DLX2: variants seen among roughly 807,000 people sequenced by gnomAD.
DLX2 encodes distal-less homeobox 2.
In DLX2, 8 loss-of-function variants were observed where a neutral mutation model predicts 27.4. That is an observed-to-expected ratio of 0.29 (90% CI 0.17 to 0.53). The LOEUF is 0.53. Among genes scored for constraint, DLX2 ranks in the 20% least tolerant of loss-of-function variants. The probability of loss-of-function intolerance (pLI) is 0.96; values close to 1 mark genes in which losing one functional copy is unlikely to be tolerated. For missense variants in DLX2, 421 were observed against 450.9 expected (o/e 0.93, Z 0.60); for synonymous variants, 210 against 200.8 (o/e 1.05, Z -0.39).
chr2:172,101,636 G>A lies in DLX2; in HGVS notation c.411C>T (p.Asp137=). 6.2e-7 allele frequency: 1 copy of A among 1,614,124 alleles called. No homozygotes were observed. Among genetic ancestry groups the A allele is most frequent in the South Asian group, 1.1e-5 (1 of 91,088 alleles). The change falls in exon 2 of 3, where the codon GAC becomes GAT. Residue 137 remains aspartate, a synonymous_variant. Coordinates refer to ENST00000234198, the MANE Select transcript of DLX2 (RefSeq NM_004405.4). ...SPANNEPEKE[D]LEPEIRIVNG... ...TCACTATCCGAATTTCAGGCTCAAG[G>A]TCCTCCTTCTCTGCAACGATAAAGA... is the stretch of plus-strand genomic sequence containing the variant.
Position 172,100,334 on chromosome 2 carries a change from C to T in DLX2, c.*209G>A, listed in dbSNP as rs890472459. The stretch of plus-strand genomic sequence containing the variant: ...TCAGAAATGCGGCCTTTTAGGGAGG[C>T]CTTTGCCAAGCTGCTGTCCGGTTCC... On this transcript the variant is annotated 3_prime_UTR_variant, in exon 3 of 3. Coordinates refer to ENST00000234198, the MANE Select transcript of DLX2 (RefSeq NM_004405.4). This position sits in a 1 kb window ranked among gnomAD's most constrained non-coding sequence, Gnocchi z 4.5. 2 of 491,160 alleles carry T rather than the reference C, an allele frequency of 4.1e-6. No homozygotes were observed. The highest frequency in any genetic ancestry group is 6.9e-6 in the Non-Finnish European group (2 of 290,106). 30.4% of individuals were successfully genotyped at this position (491,160 alleles called of 1,614,324 possible).
rs780166978 is a variant in DLX2 at position 172,100,895 on chromosome 2, T to A, written c.635A>T (p.Lys212Ile). Residue 212 changes from lysine (K) to isoleucine (I), a missense_variant, in exon 3 of 3, where the codon AAA (lysine) becomes ATA (isoleucine). Around this residue, in one of 5 missense-constraint regions of DLX2, gnomAD observed 185 missense variants for 171.1 expected, o/e 1.08. Coordinates refer to ENST00000234198, the MANE Select transcript of DLX2 (RefSeq NM_004405.4). The surrounding 1 kb of genome is among the most constrained non-coding windows in gnomAD (Gnocchi z 4.5). ...CTGCTCCGAGGGGATCTCACCACTTTTCCACATCTTCTTGAACTTGGACCG... is the reference window on the plus strand; with the variant it reads ...CTGCTCCGAGGGGATCTCACCACTTATCCACATCTTCTTGAACTTGGACCG... Reference protein sequence around the residue: ...NRRSKFKKMWKSGEIPSEQHP... With the variant: ...NRRSKFKKMWISGEIPSEQHP... The A allele has an allele frequency of 6.2e-7, 1 of 1,612,892 alleles. No homozygotes were observed. Among genetic ancestry groups the A allele is most frequent in the Non-Finnish European group, 8.5e-7 (1 of 1,179,848 alleles).
In DLX2 at chr2:172,102,300, C is replaced by CCGG; in HGVS notation, c.238_239insCCG (p.Gly79_Gly80insAla). The stretch of plus-strand genomic sequence containing the variant: ...ACCCATGTGCGCGTAGGGCGAGCCC[C>CCGG]CGCCGCCGCCGCCGCCCGCCGGGTG... On this transcript the variant is annotated inframe_insertion, in exon 1 of 3. Coordinates refer to ENST00000234198, the MANE Select transcript of DLX2 (RefSeq NM_004405.4). 1.2e-6 allele frequency: 2 copies of CCGG among 1,600,080 alleles called. No homozygotes were observed. The highest frequency in any genetic ancestry group is 1.7e-6 in the Non-Finnish European group (2 of 1,174,032).
Position 172,100,986 on chromosome 2 carries a change from C to G in DLX2, c.586-42G>C. On this transcript the variant is annotated intron_variant, in intron 2 of 2. Coordinates refer to ENST00000234198, the MANE Select transcript of DLX2 (RefSeq NM_004405.4). The surrounding 1 kb of genome is among the most constrained non-coding windows in gnomAD (Gnocchi z 4.5). The stretch of plus-strand genomic sequence containing the variant: ...CTGAGCATTAGTGGAGGAACCTAGT[C>G]TTGGGGCAGTAGGGGTTCGAAGAGG... The G allele has an allele frequency of 6.3e-7, 1 of 1,589,140 alleles. No homozygotes were observed. Among genetic ancestry groups the G allele is most frequent in the Non-Finnish European group, 8.6e-7 (1 of 1,168,570 alleles).
rs760240559 is a variant in DLX2 at position 172,101,619 on chromosome 2, C to T, written c.428G>A (p.Arg143Gln). ...PEKEDLEPEI[R>Q]IVNGKPKKVR... ...TTTCTTTGGCTTCCCGTTCACTATC[C>T]GAATTTCAGGCTCAAGGTCCTCCTT... The change falls in exon 2 of 3, where the codon CGG becomes CAG. Residue 143 changes from arginine (R) to glutamine (Q), a missense_variant. This residue lies in a region of DLX2 where 141 missense variants were observed against 123.5 expected (regional missense o/e 1.14). Coordinates refer to ENST00000234198, the MANE Select transcript of DLX2 (RefSeq NM_004405.4). 4 of 1,614,098 alleles carry T rather than the reference C, an allele frequency of 2.5e-6. No homozygotes were observed. In the African/African-American group the frequency reaches 5.3e-5, roughly 22 times the overall value.
Position 172,102,429 on chromosome 2 carries a change from G to A in DLX2, c.110C>T (p.Pro37Leu), listed in dbSNP as rs1440177276. The change falls in exon 1 of 3, where the codon CCG becomes CTG. Residue 37 changes from proline (P) to leucine (L), a missense_variant. Physicochemically the swap from Pro to Leu is moderately conservative, Grantham distance 98. Coordinates refer to ENST00000234198, the MANE Select transcript of DLX2 (RefSeq NM_004405.4). ...GCTGCTGCTGCTGCTGTTGCCACCC[G>A]GGCCGGCGCCGCCGCCGCTCGGGGG... ...QQPPSGGGAG[P>L]GGNSSSSSSL... The A allele has an allele frequency of 1.3e-6, 2 of 1,549,090 alleles. No homozygotes were observed. The highest frequency in any genetic ancestry group is 2.4e-5 in the East Asian group (1 of 40,854).
Position 172,102,768 on chromosome 2 carries a change from T to G in DLX2, c.-230A>C. Reference sequence around the variant, plus strand: ...ATCCTCTTTCGGCCTCTGGGCCCGCTCGGCTCCTTGCCCAGCGCGAGCGCG... The same window carrying G: ...ATCCTCTTTCGGCCTCTGGGCCCGCGCGGCTCCTTGCCCAGCGCGAGCGCG... On this transcript the variant is annotated 5_prime_UTR_variant, in exon 1 of 3. Coordinates refer to ENST00000234198, the MANE Select transcript of DLX2 (RefSeq NM_004405.4). 1 of 281,794 alleles carries G rather than the reference T, an allele frequency of 3.5e-6. No individual in the cohort carries two copies. Among genetic ancestry groups the G allele is most frequent in the Non-Finnish European group, 6.5e-6 (1 of 153,816 alleles). 17.5% of individuals were successfully genotyped at this position (281,794 alleles called of 1,614,324 possible).
In DLX2 at chr2:172,102,242, G is replaced by T. The variant is rs1486955594; in HGVS notation, c.297C>A (p.Asn99Lys). 6.2e-7 allele frequency: 1 copy of T among 1,614,222 alleles called. No homozygotes were observed. Among genetic ancestry groups the T allele is most frequent in the African/African-American group, 1.3e-5 (1 of 75,064 alleles). Residue 99 changes from asparagine to lysine, a missense_variant, in exon 1 of 3, where the codon AAC (asparagine) becomes AAA (lysine). Coordinates refer to ENST00000234198, the MANE Select transcript of DLX2 (RefSeq NM_004405.4). ...AGCTGCTCTTGGCGGAGTAAGGGAC[G>T]TTGTTGAGGCCGCTGGCTTGGTACT... ...SYQYQASGLN[N>K]VPYSAKSSYD... is the part of the protein sequence containing the mutation.
chr2:172,102,195 G>A lies in DLX2; in HGVS notation c.344C>T (p.Ala115Val), dbSNP rs1230095524. The A allele has an allele frequency of 1.1e-5, 18 of 1,612,472 alleles. No homozygotes were observed. Among genetic ancestry groups the A allele is most frequent in the Non-Finnish European group, 1.4e-5 (16 of 1,179,398 alleles). Residue 115 changes from alanine (A) to valine (V), a missense_variant, in exon 1 of 3, where the codon GCC (alanine) becomes GTC (valine). Physicochemically the swap from Ala to Val is moderately conservative, Grantham distance 64. This residue lies in a region of DLX2 where 141 missense variants were observed against 123.5 expected (regional missense o/e 1.14). Transcript: ENST00000234198. ...TCCATAGGGAGCGTAGGAGGTGTAG[G>A]CGGCGGTGTAGCCCAGGTCATAGCT... ...KSSYDLGYTAAYTSYAPYGTS... is the reference protein window; with the variant it reads ...KSSYDLGYTAVYTSYAPYGTS...
chr2:172,102,075 C>A, intron 1 of DLX2, 64 bp downstream of exon 1: 1 of 1,555,014 alleles, frequency 6.4e-7, no homozygotes, highest in Non-Finnish European at 8.7e-7. Context: ...GCCCCAAACA[C>A]GTTTACCCAT....
intron 1 of DLX2, 126 bp from the exon 2 acceptor site, chr2:172,101,772 C>G: frequency 9.2e-7 from 1 of 1,088,598 alleles, no homozygotes; most frequent in Non-Finnish European, 1.3e-6. Context: ...TGTGGCGCCA[C>G]GGGCAGGCGC....
At position 172,101,144 on chromosome 2, in the gene DLX2, G is replaced by A. The variant is rs1007548638; in HGVS notation, c.586-200C>T. 4 of 643,170 alleles carry A rather than the reference G, an allele frequency of 6.2e-6. No individual in the cohort carries two copies. In the Admixed American group the frequency reaches 9.2e-5, roughly 15 times the overall value. The allele number at this position is 643,170 out of a possible 1,614,324, so 39.8% of individuals were successfully genotyped here. A position where few individuals can be genotyped will look rare whatever the true frequency, so the allele number is the denominator to read the frequency against. On this transcript the variant is annotated intron_variant, in intron 2 of 2. Transcript: ENST00000234198. ...TCCCTGGGGAGGTAATTGCCAAAAG[G>A]CCAGGACTGCTGGTGTACGTGCACT...
At position 172,102,530 on chromosome 2, in the gene DLX2, T is replaced by G; in HGVS notation, c.9A>C (p.Gly3=). The G allele has an allele frequency of 2.6e-6, 4 of 1,535,190 alleles. No individual in the cohort carries two copies. The highest frequency in any genetic ancestry group is 3.5e-6 in the Non-Finnish European group (4 of 1,141,418). Residue 3 remains glycine (G), a synonymous_variant, in exon 1 of 3, where the codon GGA becomes GGC. Transcript: ENST00000234198. ...TATCAGCCACTAGACTGTCAAAGAC[T>G]CCAGTCATCCTGGCCCGAGACGGGA... MT[G]VFDSLVADMH... is the part of the protein sequence containing the mutation.
chr2:172,101,490 G>T lies in DLX2; in HGVS notation c.557C>A (p.Ala186Glu). The T allele has an allele frequency of 6.2e-7, 1 of 1,609,830 alleles. No homozygotes were observed. The highest frequency in any genetic ancestry group is 8.5e-7 in the Non-Finnish European group (1 of 1,177,768). ...YLALPERAEL[A>E]ASLGLTQTQV... is the part of the protein sequence containing the mutation. The stretch of plus-strand genomic sequence containing the variant: ...AGTCTGGGTGAGGCCCAGAGAGGCC[G>T]CCAGCTCGGCTCGCTCCGGCAAGGC... The change falls in exon 2 of 3, where the codon GCG becomes GAG. Residue 186 changes from alanine (A) to glutamate (E), a missense_variant. Coordinates refer to ENST00000234198, the MANE Select transcript of DLX2 (RefSeq NM_004405.4).
In DLX2 at chr2:172,100,877, G is replaced by C; in HGVS notation, c.653C>G (p.Ser218Trp). The change falls in exon 3 of 3, where the codon TCG becomes TGG. Residue 218 changes from serine to tryptophan, a missense_variant. Ser to Trp is a radical substitution (Grantham distance 177). Coordinates refer to ENST00000234198, the MANE Select transcript of DLX2 (RefSeq NM_004405.4). This position sits in a 1 kb window ranked among gnomAD's most constrained non-coding sequence, Gnocchi z 4.5. ...AGCGCTGGCCCCAGGGTGCTGCTCC[G>C]AGGGGATCTCACCACTTTTCCACAT... ...KKMWKSGEIP[S>W]EQHPGASASP... 6.2e-7 allele frequency: 1 copy of C among 1,613,036 alleles called. No individual in the cohort carries two copies. Among genetic ancestry groups the C allele is most frequent in the Non-Finnish European group, 8.5e-7 (1 of 1,179,924 alleles).
Position 172,102,521 on chromosome 2 carries a change from G to T in DLX2, c.18C>A (p.Asp6Glu), listed in dbSNP as rs1355995522. The T allele has an allele frequency of 8.4e-6, 13 of 1,542,340 alleles. No individual in the cohort carries two copies. Among genetic ancestry groups the T allele is most frequent in the African/African-American group, 1.4e-5 (1 of 72,612 alleles). ...TCGAGTGCATATCAGCCACTAGACTGTCAAAGACTCCAGTCATCCTGGCCC... is the reference window on the plus strand; with the variant it reads ...TCGAGTGCATATCAGCCACTAGACTTTCAAAGACTCCAGTCATCCTGGCCC... MTGVFDSLVADMHSTQ... is the reference protein window; with the variant it reads MTGVFESLVADMHSTQ... Residue 6 changes from aspartate (D) to glutamate (E), a missense_variant, in exon 1 of 3, where the codon GAC becomes GAA. Asp to Glu is a conservative substitution (Grantham distance 45). Transcript: ENST00000234198.
rs1348026695 is a variant in DLX2, at chr2:172,099,674, G to A, written c.*869C>T. On this transcript the variant is annotated 3_prime_UTR_variant, in exon 3 of 3. Transcript: ENST00000234198. The stretch of plus-strand genomic sequence containing the variant: ...TGCTAAACTGCAGTTTTCACAACTG[G>A]GGGTTTACAAAAAAGTCTGAAAAGA... The A allele has an allele frequency of 1.3e-5, 2 of 152,456 alleles. No individual in the cohort carries two copies. The highest frequency in any genetic ancestry group is 2.4e-5 in the African/African-American group (1 of 41,370). The allele number at this position is 152,456 out of a possible 1,614,324, so 9.4% of individuals were successfully genotyped here. A position where few individuals can be genotyped will look rare whatever the true frequency, so the allele number is the denominator to read the frequency against.
At position 172,099,800 on chromosome 2, in the gene DLX2, T is replaced by TA. The variant is rs1368607021; in HGVS notation, c.*742dup. The TA allele has an allele frequency of 6.6e-6, 1 of 152,624 alleles. No homozygotes were observed. Among genetic ancestry groups the TA allele is most frequent in the Non-Finnish European group, 1.5e-5 (1 of 68,034 alleles). The allele number at this position is 152,624 out of a possible 1,614,324, so 9.5% of individuals were successfully genotyped here. On this transcript the variant is annotated 3_prime_UTR_variant, in exon 3 of 3. Coordinates refer to ENST00000234198, the MANE Select transcript of DLX2 (RefSeq NM_004405.4). ...CAGGCTAATAATCCTGAATAGGTTT[T>TA]AAAAAAGATAATTTAAACACATTTT...
At position 172,100,683 on chromosome 2, in the gene DLX2, A is replaced by T. The variant is rs1691136076; in HGVS notation, c.847T>A (p.Tyr283Asn). 6.4e-7 allele frequency: 1 copy of T among 1,556,232 alleles called. No homozygotes were observed. The highest frequency in any genetic ancestry group is 8.6e-7 in the Non-Finnish European group (1 of 1,160,538). ...GAGGCGGATCCCGAGGTCTGGTGGTACCAGGGGTAGTTGCCCAGAAAAGCC... is the reference window on the plus strand; with the variant it reads ...GAGGCGGATCCCGAGGTCTGGTGGTTCCAGGGGTAGTTGCCCAGAAAAGCC... ...ASAFLGNYPW[Y>N]HQTSGSASHL... The change falls in exon 3 of 3, where the codon TAC becomes AAC. Residue 283 changes from tyrosine to asparagine, a missense_variant. Tyr to Asn is a moderately radical substitution (Grantham distance 143). Around this residue, in one of 5 missense-constraint regions of DLX2, gnomAD observed 185 missense variants for 171.1 expected, o/e 1.08. Transcript: ENST00000234198. The surrounding 1 kb of genome is among the most constrained non-coding windows in gnomAD (Gnocchi z 4.5).
Sources: gnomAD v4.1 joint callset for allele counts on GRCh38, gnomAD v4.1.1 for gene constraint, gnomAD v4.1.1 regional missense constraint, Gnocchi (gnomAD v3.1) non-coding constraint, MANE v1.5 for transcripts, NCBI Gene and HGNC (gene_info 2026-07-23, HGNC 2026-07-21) for gene names.